Variants in HBP1 observed in about 807,000 individuals in gnomAD.
HBP1 encodes HMG box-containing protein 1.
HBP1 carries 20 observed loss-of-function variants against 62.6 expected under a neutral mutation model. That is an observed-to-expected ratio of 0.32 (90% confidence interval 0.22 to 0.46). HBP1 has a LOEUF of 0.46. Among genes scored for constraint, HBP1 ranks in the 20% least tolerant of loss-of-function variants. The pLI, the probability that HBP1 is intolerant of heterozygous loss-of-function variation, is 1.00. For synonymous variants in HBP1, 232 were observed against 206.2 expected (o/e 1.12, Z -1.07); for missense variants, 480 against 611.8 (o/e 0.78, Z 2.27).
chr7:107,197,612 C>T lies in HBP1; in HGVS notation c.1385+1461C>T, dbSNP rs540251167. On this transcript the variant is annotated intron_variant, in intron 9 of 10. Coordinates refer to ENST00000222574, the MANE Select transcript of HBP1 (RefSeq NM_012257.4). ...CTCAAACTCCTGAGCTCAAGTGATC[C>T]GCTCACCTTGGCCTCCCAAAATGCT... 6.6e-5 allele frequency among the ~76,000 whole-genome samples: 10 copies of T among 152,252 alleles called. No homozygotes were observed. The South Asian group carries it at 1.5e-3, about 22-fold the overall frequency.
chr7:107,169,722 T>C (rs1351079980), intron 1 of HBP1: 1 of 984,938 alleles, frequency 1.0e-6, no homozygotes, highest in Non-Finnish European at 1.2e-6. Context: ...TGTTACGCAG[T>C]TCGAATGAAT....
At chr7:107,182,753 T>C (rs1412186536) in intron 3 of HBP1, 152 bp downstream of exon 3, 4 of 560,786 alleles carry the variant, frequency 7.1e-6, no homozygotes, top group East Asian at 2.8e-5. Flanking sequence ...CAAAGACTTA[T>C]TTCACTCACT....
Position 107,169,646 on chromosome 7 carries a change from T to G in HBP1, c.-16+461T>G, listed in dbSNP as rs1796452568. The G allele has an allele frequency of 5.6e-6, 4 of 719,874 alleles. No homozygotes were observed. The East Asian group carries it at 4.0e-4, about 71-fold the overall frequency. The allele number at this position is 719,874 out of a possible 1,614,324, so 44.6% of individuals were successfully genotyped here. A position where few individuals can be genotyped will look rare whatever the true frequency, so the allele number is the denominator to read the frequency against. ...GGGACCCCAGTGAGGCGCCGCCTCC[T>G]TCTGGACTGAGGGGGATTCTGGCTG... On this transcript the variant is annotated intron_variant, in intron 1 of 10. Transcript: ENST00000222574.
intron 8 of HBP1, among the ~76,000 whole-genome samples, chr7:107,193,584 C>T (rs922646773): frequency 2.6e-5 from 4 of 152,234 alleles, no homozygotes; most frequent in Admixed American, 1.3e-4. Context: ...TTAACTTGCC[C>T]AAGGTCATAT....
Position 107,197,558 on chromosome 7 carries a change from T to C in HBP1, c.1385+1407T>C, listed in dbSNP as rs1348002262. Among the ~76,000 whole-genome samples the C allele has an allele frequency of 2.0e-5, 3 of 152,074 alleles. No individual in the cohort carries two copies. In the East Asian group the frequency reaches 5.8e-4, roughly 29 times the overall value. On this transcript the variant is annotated intron_variant, in intron 9 of 10. Transcript: ENST00000222574. ...TAATTTTTTGCATATTTAGTAGACA[T>C]GGGGTTTCACTATGTTGGCCAGGCT...
intron 1 of HBP1, among the ~76,000 whole-genome samples, chr7:107,169,391 C>A (rs1796434883): frequency 8.7e-6 from 1 of 115,164 alleles, no homozygotes; most frequent in African/African-American, 3.3e-5. Flanking sequence ...GGCTTCGGGG[C>A]GGCGGCGCTA....
intron 8 of HBP1, among the ~76,000 whole-genome samples, chr7:107,192,402 A>C (rs1797695052): frequency 1.3e-5 from 2 of 152,058 alleles, no homozygotes; most frequent in Admixed American, 1.3e-4. Flanking sequence ...GATATTAATA[A>C]AACTAATGCT....
chr7:107,198,817 A>ATTTT (rs1584506889), intron 9 of HBP1, among the ~76,000 whole-genome samples: 1 of 152,160 alleles, frequency 6.6e-6, no homozygotes, highest in African/African-American at 2.4e-5. Flanking sequence ...AGATGTGTAT[A>ATTTT]TTTTACATTT....
chr7:107,202,284 T>TAAGGTGGTGA lies in HBP1; in HGVS notation c.*853_*854insAAGGTGGTGA, dbSNP rs1798387825. On this transcript the variant is annotated 3_prime_UTR_variant, in exon 11 of 11. Coordinates refer to ENST00000222574, the MANE Select transcript of HBP1 (RefSeq NM_012257.4). ...TTTGCACTTACTGCAGTGCAACACTTGCACTTTAATTTTCCTCCAACTGTC... is the reference window on the plus strand; with the variant it reads ...TTTGCACTTACTGCAGTGCAACACTTAAGGTGGTGAGCACTTTAATTTTCCTCCAACTGTC... 3 of 152,654 alleles carry TAAGGTGGTGA rather than the reference T, an allele frequency of 2.0e-5. No homozygotes were observed. The highest frequency in any genetic ancestry group is 4.4e-5 in the Non-Finnish European group (3 of 68,030). The allele number at this position is 152,654 out of a possible 1,614,324, so 9.5% of individuals were successfully genotyped here.
intron 8 of HBP1, 128 bp from the exon 9 acceptor site, chr7:107,195,706 A>G (rs1352132275): frequency 2.2e-6 from 1 of 462,296 alleles, no homozygotes; most frequent in Admixed American, 3.8e-5. Context: ...TGTTGGTAAC[A>G]TGATATAGGG....
chr7:107,185,413 A>G (rs1358104571), intron 3 of HBP1, among the ~76,000 whole-genome samples: 3 of 152,244 alleles, frequency 2.0e-5, no homozygotes, highest in Non-Finnish European at 2.9e-5. Context: ...TGCTGTCTTC[A>G]TACTGAGACT....
intron 2 of HBP1, among the ~76,000 whole-genome samples, chr7:107,181,208 C>T (rs1797086737): frequency 6.6e-6 from 1 of 152,156 alleles, no homozygotes; most frequent in Non-Finnish European, 1.5e-5. Flanking sequence ...TTTGGCTTGG[C>T]ATGATGGTTC....
rs1797385611 is a variant in HBP1, at chr7:107,186,579, G to A, written c.663G>A (p.Leu221=). 6.2e-7 allele frequency: 1 copy of A among 1,610,606 alleles called. No homozygotes were observed. Among genetic ancestry groups the A allele is most frequent in the South Asian group, 1.1e-5 (1 of 90,960 alleles). The stretch of plus-strand genomic sequence containing the variant: ...CTACCTAAACCTTAGGCACACGACT[G>A]TGCTTTCATAAGGGAAGCAATAAGG... ...VWHCFLKGTR[L]CFHKGSNKEW... is the part of the protein sequence containing the mutation. Residue 221 remains leucine (L), a synonymous_variant, in exon 6 of 11, where the codon CTG becomes CTA. Coordinates refer to ENST00000222574, the MANE Select transcript of HBP1 (RefSeq NM_012257.4).
At chr7:107,171,673 C>T (rs1296127824) in intron 1 of HBP1, among the ~76,000 whole-genome samples, 1 of 151,804 alleles carries the variant, frequency 6.6e-6, no homozygotes, top group Non-Finnish European at 1.5e-5. Context: ...AGACCAGCCT[C>T]GCCAACGTCG....
chr7:107,171,046 A>ATATAT (rs1796543390), intron 1 of HBP1, among the ~76,000 whole-genome samples: 1 of 60,506 alleles, frequency 1.7e-5, no homozygotes, highest in Non-Finnish European at 3.2e-5. Context: ...TACATGTATA[A>ATATAT]ATATATATAT....
chr7:107,196,012 A>C lies in HBP1; in HGVS notation c.1246A>C (p.Lys416Gln), dbSNP rs766482031. The C allele has an allele frequency of 5.8e-5, 93 of 1,613,914 alleles. No homozygotes were observed. The highest frequency in any genetic ancestry group is 7.8e-5 in the Non-Finnish European group (92 of 1,179,906). The change falls in exon 9 of 11, where the codon AAA becomes CAA. Residue 416 changes from lysine (K) to glutamine (Q), a missense_variant. Around this residue, in one of 4 missense-constraint regions of HBP1, gnomAD observed 66 missense variants for 56.4 expected, o/e 1.17. Coordinates refer to ENST00000222574, the MANE Select transcript of HBP1 (RefSeq NM_012257.4). ...SQLSSNSLYA[K>Q]AVKNHSSGTV... ...GCTCTCTTCCAATTCTTTGTATGCT[A>C]AAGCTGTCAAAAACCACAGCTCAGG...
chr7:107,175,132 T>G (rs189939852), intron 1 of HBP1, among the ~76,000 whole-genome samples: 126 of 152,298 alleles, frequency 8.3e-4, no homozygotes, highest in African/African-American at 2.9e-3. Context: ...TCATACAGTA[T>G]TTCAGTATGA....
At chr7:107,199,347 G>C (rs533204469) in intron 9 of HBP1, among the ~76,000 whole-genome samples, 1 of 152,300 alleles carries the variant, frequency 6.6e-6, no homozygotes, top group South Asian at 2.1e-4. Context: ...CTCCAAAAGT[G>C]CTGGGATTAC....
At chr7:107,180,291 A>G (rs1018092053) in intron 2 of HBP1, among the ~76,000 whole-genome samples, 1 of 152,224 alleles carries the variant, frequency 6.6e-6, no homozygotes, top group African/African-American at 2.4e-5. Flanking sequence ...AAATTAAACT[A>G]CTTTACTTTG....
Sources: gnomAD v4.1 joint callset for allele counts (sites outside exome capture counted in the v4.1 genomes callset) on GRCh38, gnomAD v4.1.1 for gene constraint, gnomAD v4.1.1 regional missense constraint, MANE v1.5 for transcripts, NCBI Gene and HGNC (gene_info 2026-07-23, HGNC 2026-07-21) for gene names.